CCSER2: variants seen among roughly 807,000 people sequenced by gnomAD.
CCSER2 encodes coiled-coil serine rich protein 2.
CCSER2 carries 46 observed loss-of-function variants against 92.3 expected under a neutral mutation model. The observed-to-expected ratio is 0.50, with a 90% CI of 0.39 to 0.64. The LOEUF (loss-of-function observed/expected upper bound fraction) is 0.64. CCSER2 is among the 30% of genes least tolerant of loss of function. The pLI is 0.00. For missense variants in CCSER2, 1,244 were observed against 1,238.9 expected, an observed-to-expected ratio of 1.00 and a Z score of -0.06; for synonymous variants, 433 against 431.4, an observed-to-expected ratio of 1.00 and a Z score of -0.04.
chr10:84,514,161 T>A lies in CCSER2; in HGVS notation c.3038T>A (p.Leu1013Gln). Residue 1013 changes from leucine (L) to glutamine (Q), a missense_variant, in exon 10 of 10, where the codon CTA becomes CAA. Leu to Gln is a moderately radical substitution (Grantham distance 113). Coordinates refer to ENST00000372088, the MANE Select transcript of CCSER2 (RefSeq NM_001284240.2). ...FQAKTSIPRPLTQRKEIMQNP... is the reference protein window; with the variant it reads ...FQAKTSIPRPQTQRKEIMQNP... ...GCCAAGACAAGCATCCCAAGGCCAC[T>A]AACACAACGAAAAGAAATCATGCAG... is the stretch of plus-strand genomic sequence containing the variant. 1 of 1,536,318 alleles carries A rather than the reference T, an allele frequency of 6.5e-7. No individual in the cohort carries two copies. Among genetic ancestry groups the A allele is most frequent in the Non-Finnish European group, 8.7e-7 (1 of 1,146,962 alleles).
intron 3 of CCSER2, among the ~76,000 whole-genome samples, chr10:84,392,551 CAT>C (rs898968456): frequency 8.6e-5 from 13 of 151,704 alleles, no homozygotes; most frequent in African/African-American, 3.1e-4. Context: ...AGTTTTCCCA[CAT>C]GATGGGGCTT....
intron 7 of CCSER2, among the ~76,000 whole-genome samples, chr10:84,465,459 G>A (rs1846361478): frequency 6.6e-6 from 1 of 150,832 alleles, no homozygotes; most frequent in South Asian, 2.1e-4. Context: ...CAAGTAGCTG[G>A]AATTACAGGC....
chr10:84,391,695 C>T lies in CCSER2; in HGVS notation c.1614+17880C>T, dbSNP rs950515986. ...ACATTGTTAGAGAATACAGCAATAA[C>T]GATTGGTCGTCTTGGTTACGTGTGT... On this transcript the variant is annotated intron_variant, in intron 3 of 9. Coordinates refer to ENST00000372088, the MANE Select transcript of CCSER2 (RefSeq NM_001284240.2). The T allele has an allele frequency of 7.9e-6, 12 of 1,519,322 alleles. No individual in the cohort carries two copies. In the East Asian group the frequency reaches 1.6e-4, roughly 20 times the overall value. The allele number at this position is 1,519,322 out of a possible 1,614,324, so 94.1% of individuals were successfully genotyped here. A position where few individuals can be genotyped will look rare whatever the true frequency, so the allele number is the denominator to read the frequency against.
At chr10:84,438,128 T>TA (rs1844297442) in intron 5 of CCSER2, among the ~76,000 whole-genome samples, 1 of 152,104 alleles carries the variant, frequency 6.6e-6, no homozygotes, top group African/African-American at 2.4e-5. Flanking sequence ...GTTATGGGGC[T>TA]AAAAAAGGTG....
intron 7 of CCSER2, 41 bp from the exon 8 acceptor site, chr10:84,470,331 G>A (rs1446687008): frequency 5.6e-6 from 6 of 1,070,644 alleles, no homozygotes; most frequent in Non-Finnish European, 7.5e-6. Context: ...TCTCATTATG[G>A]TATTTTAAAT....
At chr10:84,468,355 T>C (rs988370357) in intron 7 of CCSER2, among the ~76,000 whole-genome samples, 2 of 152,238 alleles carry the variant, frequency 1.3e-5, no homozygotes, top group African/African-American at 2.4e-5. Context: ...TGCAAAGAGA[T>C]GATAAATGTT....
intron 3 of CCSER2, among the ~76,000 whole-genome samples, chr10:84,388,152 T>A (rs903854120): frequency 1.3e-5 from 2 of 152,252 alleles, no homozygotes; most frequent in African/African-American, 4.8e-5. Context: ...GCTCCTGGCC[T>A]GGGCTTTTCT....
At chr10:84,457,286 TTATATATTATATATAATATG>T (rs1845731494) in intron 6 of CCSER2, among the ~76,000 whole-genome samples, 1 of 72,376 alleles carries the variant, frequency 1.4e-5, no homozygotes, top group African/African-American at 5.8e-5. Context: ...ATATTATATA[TTATATATTATATATAATATG>T]TTATATATAA....
intron 9 of CCSER2, among the ~76,000 whole-genome samples, chr10:84,483,031 G>A (rs1015503114): frequency 1.3e-5 from 2 of 152,140 alleles, no homozygotes; most frequent in Non-Finnish European, 2.9e-5. Context: ...ATTAATCCAT[G>A]TTACGGTATA....
intron 3 of CCSER2, among the ~76,000 whole-genome samples, chr10:84,378,758 G>A (rs1197717951): frequency 6.6e-6 from 1 of 152,088 alleles, no homozygotes; most frequent in African/African-American, 2.4e-5. Context: ...TTAGAAAAGA[G>A]ATAGGGTCTG....
At chr10:84,381,917 C>CCA (rs1404903249) in intron 3 of CCSER2, among the ~76,000 whole-genome samples, 1 of 120,074 alleles carries the variant, frequency 8.3e-6, no homozygotes, top group Non-Finnish European at 1.7e-5. Context: ...AAGGCTTTCT[C>CCA]AAAAAAAAAA....
At chr10:84,488,598 A>G (rs370615018) in intron 9 of CCSER2, among the ~76,000 whole-genome samples, 1 of 152,096 alleles carries the variant, frequency 6.6e-6, no homozygotes, top group Non-Finnish European at 1.5e-5. Flanking sequence ...CCCCTGTATC[A>G]TTTTAATTGC....
chr10:84,409,857 C>T (rs1215115479), intron 3 of CCSER2, among the ~76,000 whole-genome samples: 2 of 152,144 alleles, frequency 1.3e-5, no homozygotes, highest in African/African-American at 4.8e-5. Flanking sequence ...ATAATTCTAT[C>T]ATCCAGGTAT....
chr10:84,478,554 A>G (rs533083688), intron 9 of CCSER2, among the ~76,000 whole-genome samples: 11 of 152,324 alleles, frequency 7.2e-5, no homozygotes, highest in African/African-American at 2.4e-4. Context: ...TTCATCTAAC[A>G]AGTATTTTTT....
intron 6 of CCSER2, among the ~76,000 whole-genome samples, chr10:84,448,346 T>G (rs1783336079): frequency 6.6e-6 from 1 of 152,120 alleles, no homozygotes; most frequent in Non-Finnish European, 1.5e-5. Flanking sequence ...CCACTTAAGT[T>G]TGACTCTAAT....
intron 1 of CCSER2, among the ~76,000 whole-genome samples, chr10:84,364,154 TAGTG>T (rs1845657571): frequency 6.6e-6 from 1 of 152,166 alleles, no homozygotes; most frequent in African/African-American, 2.4e-5. Context: ...CTGGATGAGT[TAGTG>T]AGTGAGTGGT....
At chr10:84,365,588 G>A (rs1012567322) in intron 1 of CCSER2, among the ~76,000 whole-genome samples, 6 of 152,128 alleles carry the variant, frequency 3.9e-5, no homozygotes, top group Admixed American at 2.6e-4. Flanking sequence ...GCACATTCAG[G>A]TTCTAACATT....
rs1453303203 is a variant in CCSER2, at chr10:84,441,734, ATGTTTTTTTTTTTTTTT to A, written c.2064+3029_2064+3045del. Among the ~76,000 whole-genome samples, 29 of 106,450 alleles carry A rather than the reference ATGTTTTTTTTTTTTTTT, an allele frequency of 2.7e-4. 3 individuals carry two copies. In the East Asian group the frequency reaches 5.5e-3, roughly 20 times the overall value. 69.8% of individuals were successfully genotyped at this position (106,450 alleles called of 152,430 possible). ...GGGAATAAAGTAGAAGACTGGGAAA[ATGTTTTTTTTTTTTTTT>A]TTTTTTTTTTTTTTTTTTTTTTTTT... On this transcript the variant is annotated intron_variant, in intron 6 of 9. Coordinates refer to ENST00000372088, the MANE Select transcript of CCSER2 (RefSeq NM_001284240.2).
At chr10:84,509,524 G>A (rs1396902381) in intron 9 of CCSER2, among the ~76,000 whole-genome samples, 1 of 152,138 alleles carries the variant, frequency 6.6e-6, no homozygotes, top group Admixed American at 6.6e-5. Context: ...GCCTATTGCT[G>A]ACATTATTGA....
Sources: gnomAD v4.1 joint callset for allele counts (sites outside exome capture counted in the v4.1 genomes callset) on GRCh38, gnomAD v4.1.1 for gene constraint, MANE v1.5 for transcripts, NCBI Gene and HGNC (gene_info 2026-07-23, HGNC 2026-07-21) for gene names.